SYT1: variants seen among roughly 807,000 people sequenced by gnomAD.
SYT1 encodes synaptotagmin-1.
A neutral mutation model predicts 44.8 loss-of-function variants in SYT1; 8 were observed. The observed-to-expected ratio is 0.18, with a 90% CI of 0.10 to 0.32. The LOEUF is 0.32. Ranked by LOEUF, SYT1 falls within the 10% of genes least tolerant of loss-of-function variation. The pLI, the probability that SYT1 is intolerant of heterozygous loss-of-function variation, is 1.00. For synonymous variants in SYT1, 154 were observed against 188.8 expected (o/e 0.82, Z 1.51); for missense variants, 286 against 509.3 (o/e 0.56, Z 4.22).
At chr12:78,976,790 T>C (rs1345813659) in intron 1 of SYT1, 3 of 152,154 alleles carry the variant, frequency 2.0e-5, no homozygotes, top group Non-Finnish European at 2.9e-5. Flanking sequence ...ACTAGTGGTA[T>C]ACAATATGAT....
intron 1 of SYT1, among the ~76,000 whole-genome samples, chr12:78,880,425 C>T (rs1426059619): frequency 6.6e-6 from 1 of 151,614 alleles, no homozygotes; most frequent in African/African-American, 2.4e-5. Flanking sequence ...ACTTATCACT[C>T]TTTGAATACA....
chr12:78,998,578 C>T (rs969514764), intron 2 of SYT1, among the ~76,000 whole-genome samples: 8 of 152,094 alleles, frequency 5.3e-5, no homozygotes, highest in South Asian at 2.1e-4. Flanking sequence ...ATCTAAACAA[C>T]GATATGATGT....
chr12:79,347,605 C>T lies in SYT1; in HGVS notation c.811-5897C>T, dbSNP rs546237016. Among the ~76,000 whole-genome samples, 8 of 152,240 alleles carry T rather than the reference C, an allele frequency of 5.3e-5. No individual in the cohort carries two copies. In the East Asian group the frequency reaches 1.4e-3, roughly 26 times the overall value. On this transcript the variant is annotated intron_variant, in intron 8 of 10. Transcript: ENST00000261205. ...TGCCTGAGTCTGCTTCCTCAGAGAA[C>T]TCAACATATGACAAATGAAGATGCT...
chr12:79,347,041 C>A (rs796594509), intron 8 of SYT1, among the ~76,000 whole-genome samples: 4 of 125,942 alleles, frequency 3.2e-5, no homozygotes, highest in African/African-American at 1.1e-4. Context: ...TTTGTTTTTT[C>A]TTTTTTTTTT....
chr12:79,053,654 AAAAATAATT>A, intron 3 of SYT1, among the ~76,000 whole-genome samples: 1 of 149,712 alleles, frequency 6.7e-6, no homozygotes, highest in East Asian at 1.9e-4. Flanking sequence ...ATTTTTAATT[AAAAATAATT>A]AAAATTTATA....
chr12:79,117,662 C>CATATATATATAT (rs57706449), intron 3 of SYT1, among the ~76,000 whole-genome samples: 7 of 39,308 alleles, frequency 1.8e-4, no homozygotes, highest in Non-Finnish European at 2.4e-4. Flanking sequence ...TGTATTACAT[C>CATATATATATAT]ATATATATAT....
chr12:79,299,491 A>G lies in SYT1; in HGVS notation c.750A>G (p.Thr250=), dbSNP rs764082405. ...GAGAATTTAAAGTCCCTATGAACAC[A>G]GTGGATTTTGGCCATGTAACTGAGG... ...IIGEFKVPMN[T]VDFGHVTEEW... The change falls in exon 8 of 11, where the codon ACA becomes ACG. Residue 250 remains threonine (T), a synonymous_variant. Transcript: ENST00000261205. The G allele has an allele frequency of 5.0e-6, 8 of 1,613,498 alleles. No individual in the cohort carries two copies. The Admixed American group carries it at 1.3e-4, about 27-fold the overall frequency.
intron 3 of SYT1, among the ~76,000 whole-genome samples, chr12:79,053,743 G>A (rs1874717897): frequency 6.6e-6 from 1 of 151,054 alleles, no homozygotes; most frequent in Admixed American, 6.6e-5. Flanking sequence ...CTATATTATT[G>A]TAAAAATAAG....
At chr12:79,049,051 C>T (rs774540238) in intron 3 of SYT1, among the ~76,000 whole-genome samples, 4 of 151,960 alleles carry the variant, frequency 2.6e-5, no homozygotes, top group South Asian at 2.1e-4. Context: ...GACATAAGCT[C>T]TTTATGCAAG....
At chr12:78,905,295 C>T (rs924018009) in intron 1 of SYT1, among the ~76,000 whole-genome samples, 4 of 152,114 alleles carry the variant, frequency 2.6e-5, no homozygotes, top group Non-Finnish European at 5.9e-5. Context: ...ACTGACTTAC[C>T]TACACACTTC....
intron 8 of SYT1, among the ~76,000 whole-genome samples, chr12:79,312,285 A>G (rs929792870): frequency 5.3e-5 from 8 of 152,202 alleles, no homozygotes; most frequent in African/African-American, 1.9e-4. Flanking sequence ...TCCAGAAAAT[A>G]AGGACTTGAT....
intron 2 of SYT1, among the ~76,000 whole-genome samples, chr12:78,984,917 C>T (rs527238813): frequency 4.0e-5 from 6 of 151,596 alleles, no homozygotes; most frequent in East Asian, 3.9e-4. Flanking sequence ...GCAACAAAAC[C>T]GCAGTTATTT....
chr12:79,423,624 C>T (rs192626131), intron 9 of SYT1, among the ~76,000 whole-genome samples: 2 of 152,228 alleles, frequency 1.3e-5, no homozygotes, highest in East Asian at 1.9e-4. Flanking sequence ...AGGACTTAAA[C>T]TGTGGAATAG....
rs998560197 is a variant in SYT1, at chr12:79,143,256, T to A, written c.-17-74247T>A. Among the ~76,000 whole-genome samples the A allele has an allele frequency of 1.1e-4, 16 of 152,340 alleles. 1 individual carries two copies. The highest frequency in any genetic ancestry group is 6.8e-3 in the Middle Eastern group (2 of 294). ...ACATAACATCCAACCCAGAAAGTGA[T>A]TTAATTAAATTACCTTTACAATTAT... On this transcript the variant is annotated intron_variant, in intron 3 of 10. Coordinates refer to ENST00000261205, the MANE Select transcript of SYT1 (RefSeq NM_005639.3).
intron 1 of SYT1, among the ~76,000 whole-genome samples, chr12:78,950,218 G>A (rs2137291245): frequency 6.6e-6 from 1 of 152,066 alleles, no homozygotes; most frequent in East Asian, 1.9e-4. Flanking sequence ...TCAGTCATGA[G>A]GCATAAGCAT....
intron 9 of SYT1, among the ~76,000 whole-genome samples, chr12:79,398,372 T>C (rs1011266075): frequency 1.3e-5 from 2 of 152,254 alleles, no homozygotes; most frequent in African/African-American, 4.8e-5. Flanking sequence ...AATTATTATG[T>C]TTAATTCTTA....
chr12:78,933,898 TTGTC>T (rs78136414), intron 1 of SYT1, among the ~76,000 whole-genome samples: 13,772 of 152,012 alleles, frequency 0.091, 710 homozygotes, highest in East Asian at 0.18. Context: ...CTTTGTGTGT[TTGTC>T]TGTTTGGTTA....
At chr12:79,388,555 T>TA (rs1167538581) in intron 9 of SYT1, among the ~76,000 whole-genome samples, 3 of 150,976 alleles carry the variant, frequency 2.0e-5, no homozygotes, top group Non-Finnish European at 3.0e-5. Context: ...AAAAAATAAA[T>TA]AAAAAAATAG....
intron 1 of SYT1, among the ~76,000 whole-genome samples, chr12:78,974,316 T>C (rs1417715478): frequency 2.0e-5 from 3 of 152,042 alleles, no homozygotes; most frequent in Non-Finnish European, 4.4e-5. Flanking sequence ...GGTGCATAAC[T>C]ATATTGGATA....
Sources: allele counts gnomAD v4.1 joint callset (sites outside exome capture counted in the v4.1 genomes callset), GRCh38; gene constraint gnomAD v4.1.1; transcripts MANE v1.5; gene names NCBI Gene and HGNC (gene_info 2026-07-23, HGNC 2026-07-21).